Variants in SDK1 observed in about 807,000 individuals in gnomAD.
SDK1 encodes the protein sidekick cell adhesion molecule 1, also known as protein sidekick-1.
In SDK1, 157 loss-of-function variants were observed where a neutral mutation model predicts 245.5. The observed-to-expected ratio is 0.64, with a 90% confidence interval of 0.56 to 0.73. The LOEUF (loss-of-function observed/expected upper bound fraction) is 0.73, where lower values mean the gene tolerates loss of function less well. Among genes scored for constraint, SDK1 ranks in the 30% least tolerant of loss-of-function variants. The pLI is 0.00. For synonymous variants in SDK1, 1,647 were observed against 1,278.5 expected (o/e 1.29, Z -6.15); for missense variants, 3,583 against 3,002.3 (o/e 1.19, Z -4.52).
At chr7:4,246,944 A>C (rs1439180634) in intron 44 of SDK1, among the ~76,000 whole-genome samples, 1 of 152,132 alleles carries the variant, frequency 6.6e-6, no homozygotes, top group Non-Finnish European at 1.5e-5. Flanking sequence ...CAGGGGGCTC[A>C]ACACACCTTC....
chr7:3,432,609 G>A (rs962999407), intron 1 of SDK1, among the ~76,000 whole-genome samples: 1 of 152,132 alleles, frequency 6.6e-6, no homozygotes, highest in African/African-American at 2.4e-5. Flanking sequence ...GTTTCGCATA[G>A]AAAAACCTGT....
At chr7:3,582,274 CCTCAGGTAGGTCTGT>C (rs1562579721) in intron 1 of SDK1, among the ~76,000 whole-genome samples, 15 of 145,916 alleles carry the variant, frequency 1.0e-4, no homozygotes, top group African/African-American at 3.1e-4. Flanking sequence ...GGTAGGTCTC[CCTCAGGTAGGTCTGT>C]CTCAGGTAGG....
chr7:3,749,548 C>G (rs569752464), intron 4 of SDK1, among the ~76,000 whole-genome samples: 3 of 152,214 alleles, frequency 2.0e-5, no homozygotes, highest in Non-Finnish European at 4.4e-5. Flanking sequence ...ATCCGCCCGC[C>G]TTGGCCTCCC....
chr7:3,911,576 C>T (rs1457988289), intron 5 of SDK1, among the ~76,000 whole-genome samples: 7 of 152,214 alleles, frequency 4.6e-5, no homozygotes, highest in Admixed American at 2.0e-4. Flanking sequence ...CTCCCCAGAG[C>T]TCCACCTCTT....
rs6462233 is a variant in SDK1, at chr7:3,687,895, T to A, written c.713+45790T>A. Among the ~76,000 whole-genome samples, 3 of 152,178 alleles carry A rather than the reference T, an allele frequency of 2.0e-5. No homozygotes were observed. The East Asian group carries it at 5.8e-4, about 29-fold the overall frequency. On this transcript the variant is annotated intron_variant, in intron 4 of 44. Transcript: ENST00000404826. ...GAACCTGGATAAAGGTACCCAGGAT[T>A]GCTGTATTTTTCTTACAGCTGCATG...
chr7:3,473,082 A>G (rs1023176433), intron 1 of SDK1, among the ~76,000 whole-genome samples: 3 of 152,114 alleles, frequency 2.0e-5, no homozygotes, highest in South Asian at 2.1e-4. Flanking sequence ...CGATTTTGAA[A>G]TTGTTTTCAT....
In SDK1 at chr7:3,636,017, C is replaced by T. The variant is rs541192027; in HGVS notation, c.459-2987C>T. Among the ~76,000 whole-genome samples, 33 of 152,262 alleles carry T rather than the reference C, an allele frequency of 2.2e-4. No individual in the cohort carries two copies. In the South Asian group the frequency reaches 6.9e-3, roughly 32 times the overall value. On this transcript the variant is annotated intron_variant, in intron 2 of 44. Coordinates refer to ENST00000404826, the MANE Select transcript of SDK1 (RefSeq NM_152744.4). ...TGTTTTTTGTTCAAATATGATGTACCTTATTCAACTGCAATGTGCATATAT... is the reference window on the plus strand; with the variant it reads ...TGTTTTTTGTTCAAATATGATGTACTTTATTCAACTGCAATGTGCATATAT...
chr7:3,480,838 A>G (rs999846274), intron 1 of SDK1, among the ~76,000 whole-genome samples: 2 of 152,222 alleles, frequency 1.3e-5, no homozygotes, highest in African/African-American at 2.4e-5. Flanking sequence ...GCTTCTGGAA[A>G]GAAAGGCAGC....
chr7:4,142,972 C>T (rs1480114146), intron 28 of SDK1, among the ~76,000 whole-genome samples: 1 of 152,192 alleles, frequency 6.6e-6, no homozygotes. Flanking sequence ...GGGTCATTCT[C>T]CCAGCCCCGA....
chr7:3,611,845 G>A (rs1022781772), intron 1 of SDK1, among the ~76,000 whole-genome samples: 1 of 152,082 alleles, frequency 6.6e-6, no homozygotes, highest in Admixed American at 6.6e-5. Flanking sequence ...TGTGGTGATG[G>A]GGTGAAAAGG....
intron 1 of SDK1, among the ~76,000 whole-genome samples, chr7:3,614,994 T>C (rs1214573698): frequency 6.6e-6 from 1 of 151,588 alleles, no homozygotes; most frequent in African/African-American, 2.4e-5. Flanking sequence ...AACTATAAAG[T>C]CCATGAAAAA....
At chr7:3,519,773 A>G (rs2128614098) in intron 1 of SDK1, among the ~76,000 whole-genome samples, 1 of 152,290 alleles carries the variant, frequency 6.6e-6, no homozygotes, top group East Asian at 1.9e-4. Flanking sequence ...GACTCATATA[A>G]TAGAATTCTA....
At chr7:3,779,370 C>T (rs931962538) in intron 4 of SDK1, among the ~76,000 whole-genome samples, 1 of 151,826 alleles carries the variant, frequency 6.6e-6, no homozygotes, top group African/African-American at 2.4e-5. Flanking sequence ...ACCAGAATGA[C>T]AACGTATTCT....
At chr7:3,624,786 C>T (rs1003988081) in intron 2 of SDK1, among the ~76,000 whole-genome samples, 1 of 151,972 alleles carries the variant, frequency 6.6e-6, no homozygotes, top group Non-Finnish European at 1.5e-5. Flanking sequence ...TGGCTCACAC[C>T]TGTAATCCCA....
intron 28 of SDK1, among the ~76,000 whole-genome samples, chr7:4,139,705 ATGTGTGTGTG>A (rs368036304): frequency 5.4e-5 from 6 of 111,874 alleles, no homozygotes; most frequent in Admixed American, 1.7e-4. Context: ...GTGTGTGTGT[ATGTGTGTGTG>A]TGTGTATGTG....
chr7:4,106,667 G>C (rs75364394), intron 22 of SDK1, among the ~76,000 whole-genome samples: 11 of 152,052 alleles, frequency 7.2e-5, no homozygotes, highest in African/African-American at 2.7e-4. Flanking sequence ...GGCGTTCTCA[G>C]AGAAACCCGA....
At chr7:3,597,449 G>C (rs1257126225) in intron 1 of SDK1, among the ~76,000 whole-genome samples, 1 of 152,086 alleles carries the variant, frequency 6.6e-6, no homozygotes, top group East Asian at 1.9e-4. Context: ...CAGAACAGTG[G>C]GTTTTGTAAG....
At chr7:4,195,586 T>C (rs1339667979) in intron 35 of SDK1, among the ~76,000 whole-genome samples, 1 of 152,164 alleles carries the variant, frequency 6.6e-6, no homozygotes, top group Non-Finnish European at 1.5e-5. Context: ...ACAAGTTCCT[T>C]GACCCAACTT....
At chr7:3,847,925 G>C (rs1035671951) in intron 5 of SDK1, among the ~76,000 whole-genome samples, 1 of 152,144 alleles carries the variant, frequency 6.6e-6, no homozygotes, top group African/African-American at 2.4e-5. Context: ...CCCAGAATTA[G>C]ACCCTAATAT....
Sources: gnomAD v4.1 joint callset for allele counts (sites outside exome capture counted in the v4.1 genomes callset) on GRCh38, gnomAD v4.1.1 for gene constraint, MANE v1.5 for transcripts, NCBI Gene and HGNC (gene_info 2026-07-23, HGNC 2026-07-21) for gene names.